The following KAZN variants were observed in gnomAD, a reference collection of about 807,000 sequenced individuals.
KAZN encodes kazrin.
In KAZN, 40 loss-of-function variants were observed where a neutral mutation model predicts 87.4. The observed-to-expected ratio is 0.46, with a 90% CI of 0.36 to 0.60. The LOEUF is 0.60. Ranked by LOEUF, KAZN falls within the 20% of genes least tolerant of loss-of-function variation. The pLI, the probability that KAZN is intolerant of heterozygous loss-of-function variation, is 0.00. For synonymous variants in KAZN, 466 were observed against 458.3 expected (o/e 1.02, Z -0.22); for missense variants, 898 against 1,073.9 (o/e 0.84, Z 2.29).
intron 1 of KAZN, among the ~76,000 whole-genome samples, chr1:14,724,507 C>T (rs994612893): frequency 3.3e-5 from 5 of 152,324 alleles, no homozygotes; most frequent in East Asian, 3.9e-4. Flanking sequence ...TTACATGCCT[C>T]TGGGTCCTCG....
chr1:14,883,348 A>G (rs867012483), intron 1 of KAZN, among the ~76,000 whole-genome samples: 3,358 of 28,732 alleles, frequency 0.12, 296 homozygotes, highest in East Asian at 0.32. Context: ...GAGAGAAAGA[A>G]AGAAAGAAAA....
At chr1:14,832,836 C>G (rs1035636949) in intron 1 of KAZN, among the ~76,000 whole-genome samples, 1 of 152,074 alleles carries the variant, frequency 6.6e-6, no homozygotes, top group Non-Finnish European at 1.5e-5. Flanking sequence ...ATATCATGAC[C>G]TGTGAAAGTT....
At chr1:14,954,145 C>T (rs1030739073) in intron 1 of KAZN, among the ~76,000 whole-genome samples, 3 of 152,212 alleles carry the variant, frequency 2.0e-5, no homozygotes, top group South Asian at 2.1e-4. Flanking sequence ...CATTATCCCC[C>T]CTGAGGGCAG....
intron 2 of KAZN, among the ~76,000 whole-genome samples, chr1:14,375,840 A>G (rs1354569502): frequency 3.3e-5 from 5 of 152,062 alleles, no homozygotes; most frequent in African/African-American, 1.2e-4. Flanking sequence ...GTGAGCGGAG[A>G]TCACGCCACT....
chr1:14,418,526 G>T (rs573473434), intron 2 of KAZN, among the ~76,000 whole-genome samples: 1 of 151,414 alleles, frequency 6.6e-6, no homozygotes, highest in East Asian at 1.9e-4. Context: ...TTGGTGCAAG[G>T]AAAAGAATAT....
At chr1:14,664,069 A>C (rs923001599) in intron 1 of KAZN, among the ~76,000 whole-genome samples, 1 of 152,230 alleles carries the variant, frequency 6.6e-6, no homozygotes, top group Non-Finnish European at 1.5e-5. Flanking sequence ...TAAGCATCCC[A>C]AAAAGACAAA....
intron 1 of KAZN, among the ~76,000 whole-genome samples, chr1:14,138,246 C>T (rs1381899461): frequency 4.6e-5 from 7 of 152,050 alleles, no homozygotes; most frequent in Non-Finnish European, 7.4e-5. Context: ...CTGGTTGACT[C>T]GGAAGCTCAG....
chr1:14,357,386 C>T (rs1169087092), intron 2 of KAZN, among the ~76,000 whole-genome samples: 1 of 152,160 alleles, frequency 6.6e-6, no homozygotes, highest in Non-Finnish European at 1.5e-5. Context: ...AATTTGACTT[C>T]CTCTCTTCCT....
intron 1 of KAZN, among the ~76,000 whole-genome samples, chr1:14,713,233 T>C (rs1642583661): frequency 7.8e-6 from 1 of 128,838 alleles, no homozygotes; most frequent in African/African-American, 2.7e-5. Context: ...ACAAGCTTAA[T>C]TGCACAAGCG....
intron 2 of KAZN, among the ~76,000 whole-genome samples, chr1:14,509,198 G>A (rs541379834): frequency 1.2e-4 from 19 of 152,332 alleles, no homozygotes; most frequent in Non-Finnish European, 2.1e-4. Context: ...AAGGCTGACC[G>A]TGCTCCAGGA....
chr1:14,793,887 C>T (rs1308076554), intron 1 of KAZN, among the ~76,000 whole-genome samples: 1 of 152,186 alleles, frequency 6.6e-6, no homozygotes, highest in African/African-American at 2.4e-5. Flanking sequence ...CAAACAAGAC[C>T]ACCCTCCCCA....
At chr1:14,992,501 AG>A (rs1178905947) in intron 2 of KAZN, among the ~76,000 whole-genome samples, 1 of 152,234 alleles carries the variant, frequency 6.6e-6, no homozygotes, top group Non-Finnish European at 1.5e-5. Flanking sequence ...AGAGATGCAA[AG>A]CCCAGTGGCC....
At chr1:14,501,080 AAAATAAAT>A (rs148614828) in intron 2 of KAZN, among the ~76,000 whole-genome samples, 43,527 of 140,770 alleles carry the variant, frequency 0.31, 7,279 homozygotes, top group African/African-American at 0.42. Flanking sequence ...GCATCTGCAA[AAAATAAAT>A]AAATAAATAA....
intron 1 of KAZN, among the ~76,000 whole-genome samples, chr1:14,169,031 T>G (rs1047870907): frequency 1.3e-5 from 2 of 152,102 alleles, no homozygotes; most frequent in Non-Finnish European, 2.9e-5. Context: ...ACTCTGGAAG[T>G]CTTGAGAAAT....
At chr1:14,072,529 C>A (rs1015754691) in intron 1 of KAZN, among the ~76,000 whole-genome samples, 5 of 152,162 alleles carry the variant, frequency 3.3e-5, no homozygotes, top group Admixed American at 1.3e-4. Context: ...TAATACTACT[C>A]GTCTCCTAGG....
intron 1 of KAZN, among the ~76,000 whole-genome samples, chr1:14,640,638 G>A (rs1381103957): frequency 4.6e-5 from 7 of 152,150 alleles, no homozygotes; most frequent in Admixed American, 4.6e-4. Flanking sequence ...AACTTGGTAG[G>A]GATCCCACCC....
At chr1:13,936,012 T>C (rs866664025) in intron 1 of KAZN, among the ~76,000 whole-genome samples, 1 of 150,940 alleles carries the variant, frequency 6.6e-6, no homozygotes, top group Non-Finnish European at 1.5e-5. Context: ...ATCTGGTATG[T>C]GTATCTTATC....
chr1:14,787,400 C>T (rs142915077), intron 1 of KAZN, among the ~76,000 whole-genome samples: 132 of 152,246 alleles, frequency 8.7e-4, no homozygotes, highest in African/African-American at 3.0e-3. Flanking sequence ...GCATTTGAAC[C>T]AGGGGTCTTG....
chr1:14,242,875 AAACGAATAC>A (rs1487253922), intron 2 of KAZN, among the ~76,000 whole-genome samples: 2 of 152,198 alleles, frequency 1.3e-5, no homozygotes, highest in Non-Finnish European at 2.9e-5. Flanking sequence ...TGATCTCTCA[AAACGAATAC>A]AACAAAAACC....
Sources: allele counts gnomAD v4.1 joint callset (sites outside exome capture counted in the v4.1 genomes callset), GRCh38; gene constraint gnomAD v4.1.1; transcripts MANE v1.5; gene names NCBI Gene and HGNC (gene_info 2026-07-23, HGNC 2026-07-21).